STAC: variants seen among roughly 807,000 people sequenced by gnomAD.
STAC encodes SH3 and cysteine-rich domain-containing protein.
Under a neutral mutation model 48.8 loss-of-function variants are expected in STAC, and 43 were observed. The ratio of observed to expected loss-of-function variants is 0.88; its 90% CI spans 0.69 to 1.14. The LOEUF is 1.14. STAC is among the 50% of genes most tolerant of loss of function. STAC has a pLI of 0.00. For synonymous variants in STAC, 193 were observed against 179.5 expected, an observed-to-expected ratio of 1.07 and a Z score of -0.60; for missense variants, 497 against 504.0, an observed-to-expected ratio of 0.99 and a Z score of 0.13.
intron 5 of STAC, among the ~76,000 whole-genome samples, chr3:36,492,663 G>A (rs1698023157): frequency 6.6e-6 from 1 of 152,170 alleles, no homozygotes; most frequent in African/African-American, 2.4e-5. Flanking sequence ...AGAGAGTCAG[G>A]ATACATATTA....
At chr3:36,437,966 T>TATTATTATTA (rs1372425293) in intron 1 of STAC, among the ~76,000 whole-genome samples, 1 of 148,288 alleles carries the variant, frequency 6.7e-6, no homozygotes. Flanking sequence ...TTATTATTAT[T>TATTATTATTA]TAGATGAGTT....
intron 1 of STAC, among the ~76,000 whole-genome samples, chr3:36,399,943 G>A (rs1575175834): frequency 6.6e-6 from 1 of 152,186 alleles, no homozygotes; most frequent in Non-Finnish European, 1.5e-5. Flanking sequence ...ATGTGCAAGT[G>A]CTTTGGAAAA....
intron 2 of STAC, among the ~76,000 whole-genome samples, chr3:36,444,538 C>CA (rs1396356047): frequency 6.6e-6 from 1 of 152,212 alleles, no homozygotes; most frequent in African/African-American, 2.4e-5. Context: ...TGGGAGCATG[C>CA]AAAGCCTCTT....
Position 36,398,295 on chromosome 3 carries a change from AAAAGAAAGAAAGAAAGAAAGAAAGCAAG to A in STAC, c.111+17566_111+17593del, listed in dbSNP as rs1298435722. Reference sequence around the variant, plus strand: ...ACTGCCATCTATGAAGGTATGTTAAAAAAGAAAGAAAGAAAGAAAGAAAGCAAGAAAGAAAGAAAGAAAGAAAGAAAGA... The same window carrying A: ...ACTGCCATCTATGAAGGTATGTTAAAAAAGAAAGAAAGAAAGAAAGAAAGA... On this transcript the variant is annotated intron_variant, in intron 1 of 10. Transcript: ENST00000273183. 6.5e-3 allele frequency among the ~76,000 whole-genome samples: 760 copies of A among 117,064 alleles called. 22 individuals carry two copies. The highest frequency in any genetic ancestry group is 0.023 in the African/African-American group (696 of 30,694). The allele number at this position is 117,064 out of a possible 152,430, so 76.8% of individuals were successfully genotyped here. A position where few individuals can be genotyped will look rare whatever the true frequency, so the allele number is the denominator to read the frequency against.
Position 36,492,031 on chromosome 3 carries a change from AATAT to A in STAC, c.688-1087_688-1084del, listed in dbSNP as rs11267408. Among the ~76,000 whole-genome samples, 66 of 16,418 alleles carry A rather than the reference AATAT, an allele frequency of 4.0e-3. 1 individual carries two copies. The highest frequency in any genetic ancestry group is 0.062 in the Middle Eastern group (1 of 16). The allele number at this position is 16,418 out of a possible 152,430, so 10.8% of individuals were successfully genotyped here. ...AAAAAAAAAAAAAAAAAAAAAAAAA[AATAT>A]ATATATATATATATATATATATATA... On this transcript the variant is annotated intron_variant, in intron 5 of 10. Transcript: ENST00000273183.
chr3:36,435,165 A>T (rs577903104), intron 1 of STAC, among the ~76,000 whole-genome samples: 4 of 151,932 alleles, frequency 2.6e-5, no homozygotes, highest in African/African-American at 9.7e-5. Context: ...ACGGTACATT[A>T]CTCTAGTCCA....
chr3:36,506,725 T>C (rs1698411980), intron 8 of STAC, among the ~76,000 whole-genome samples: 1 of 152,214 alleles, frequency 6.6e-6, no homozygotes, highest in Non-Finnish European at 1.5e-5. Context: ...TTTGGCTCTC[T>C]GTTTATTACT....
chr3:36,513,802 A>G (rs995426985), intron 8 of STAC, among the ~76,000 whole-genome samples: 2 of 152,092 alleles, frequency 1.3e-5, no homozygotes, highest in African/African-American at 2.4e-5. Context: ...TGTATTTCAA[A>G]AGTAGATGCT....
chr3:36,399,276 C>T (rs1387425659), intron 1 of STAC, among the ~76,000 whole-genome samples: 4 of 152,202 alleles, frequency 2.6e-5, no homozygotes, highest in Admixed American at 2.6e-4. Flanking sequence ...CCACAGCACC[C>T]TCTACAGTGG....
At chr3:36,448,199 C>CTTTAT (rs1247901626) in intron 2 of STAC, among the ~76,000 whole-genome samples, 10 of 114,172 alleles carry the variant, frequency 8.8e-5, no homozygotes, top group African/African-American at 2.0e-4. Flanking sequence ...CTTTATTTTA[C>CTTTAT]TTTATTTTAT....
At position 36,531,903 on chromosome 3, in the gene STAC, T is replaced by C. The variant is rs372963926; in HGVS notation, c.1110+2918T>C. 8.6e-4 allele frequency among the ~76,000 whole-genome samples: 131 copies of C among 152,356 alleles called. 3 individuals carry two copies. The South Asian group carries it at 0.026, about 30-fold the overall frequency. On this transcript the variant is annotated intron_variant, in intron 10 of 10. Transcript: ENST00000273183. ...TAAACCATGAACAAATAAATATTAA[T>C]GATACAATGGTAGTAAAAAACTTAA...
intron 8 of STAC, among the ~76,000 whole-genome samples, chr3:36,525,641 T>C (rs577850404): frequency 5.3e-5 from 8 of 152,248 alleles, no homozygotes; most frequent in Non-Finnish European, 1.0e-4. Context: ...TGATACTGAC[T>C]CATGGTTTCT....
chr3:36,461,574 G>C (rs574111073), intron 2 of STAC, among the ~76,000 whole-genome samples: 2 of 152,258 alleles, frequency 1.3e-5, no homozygotes, highest in South Asian at 2.1e-4. Context: ...GGTGATAAAT[G>C]ATATGGAAAG....
chr3:36,526,187 G>A (rs1278171104), intron 8 of STAC, among the ~76,000 whole-genome samples: 1 of 152,112 alleles, frequency 6.6e-6, no homozygotes, highest in Non-Finnish European at 1.5e-5. Flanking sequence ...GAATGCACAG[G>A]ACTTCACTGA....
intron 1 of STAC, among the ~76,000 whole-genome samples, chr3:36,384,622 T>C (rs1242329779): frequency 2.6e-5 from 4 of 152,192 alleles, no homozygotes; most frequent in African/African-American, 7.2e-5. Flanking sequence ...TTTACCTCTT[T>C]GGGCTTTTAG....
chr3:36,460,968 A>C (rs1197559806), intron 2 of STAC, among the ~76,000 whole-genome samples: 1 of 152,212 alleles, frequency 6.6e-6, no homozygotes, highest in Non-Finnish European at 1.5e-5. Context: ...TAATATAAGA[A>C]AATATGCTCA....
At chr3:36,470,205 G>A (rs1345007270) in intron 2 of STAC, among the ~76,000 whole-genome samples, 2 of 152,212 alleles carry the variant, frequency 1.3e-5, no homozygotes, top group African/African-American at 2.4e-5. Flanking sequence ...CTATGTCAGA[G>A]GGGAGATTTA....
rs1179442878 is a variant in STAC at position 36,531,288 on chromosome 3, C to CA, written c.1110+2304dup. Among the ~76,000 whole-genome samples, 7 of 151,892 alleles carry CA rather than the reference C, an allele frequency of 4.6e-5. No homozygotes were observed. In the East Asian group the frequency reaches 1.2e-3, roughly 25 times the overall value. On this transcript the variant is annotated intron_variant, in intron 10 of 10. Transcript: ENST00000273183. ...GGGAGACTTTATGCAAAAAGACAGT[C>CA]ATCAGAGTGATATTCATGATGGTAA...
At chr3:36,460,927 T>C (rs886507787) in intron 2 of STAC, among the ~76,000 whole-genome samples, 5 of 152,158 alleles carry the variant, frequency 3.3e-5, no homozygotes, top group Non-Finnish European at 7.3e-5. Flanking sequence ...TAATAACATT[T>C]CCTTTCAAAA....
Sources: allele counts gnomAD v4.1 joint callset (sites outside exome capture counted in the v4.1 genomes callset), GRCh38; gene constraint gnomAD v4.1.1; transcripts MANE v1.5; gene names NCBI Gene and HGNC (gene_info 2026-07-23, HGNC 2026-07-21).